Variants in NPEPL1 observed in about 807,000 individuals in gnomAD.
NPEPL1 encodes the protein probable aminopeptidase NPEPL1.
A neutral mutation model predicts 52.4 loss-of-function variants in NPEPL1; 45 were observed. That is an observed-to-expected ratio of 0.86 (90% CI 0.68 to 1.10). The LOEUF (loss-of-function observed/expected upper bound fraction) is 1.10, where lower values mean the gene tolerates loss of function less well. Among genes scored for constraint, NPEPL1 ranks in the 50% least tolerant of loss-of-function variants. NPEPL1 has a pLI of 0.00. For missense variants in NPEPL1, 696 were observed against 710.9 expected (o/e 0.98, Z 0.24); for synonymous variants, 360 against 314.7 (o/e 1.14, Z -1.52).
At chr20:58,695,023 G>GTGCTGTGTGTA in intron 3 of NPEPL1, among the ~76,000 whole-genome samples, 1 of 1,880 alleles carries the variant, frequency 5.3e-4, no homozygotes, top group Non-Finnish European at 1.1e-3. Context: ...ATGTGTGTGT[G>GTGCTGTGTGTA]TGTGTGGTAT....
At chr20:58,708,371 G>A (rs899280811) in intron 7 of NPEPL1, among the ~76,000 whole-genome samples, 5 of 152,210 alleles carry the variant, frequency 3.3e-5, no homozygotes, top group African/African-American at 4.8e-5. Flanking sequence ...GTGGGGACAC[G>A]GAGGTGCGGG....
At chr20:58,711,106 C>CCT (rs1491536966) in intron 7 of NPEPL1, 9 of 98,334 alleles carry the variant, frequency 9.2e-5, no homozygotes, top group Admixed American at 4.3e-4. Flanking sequence ...TCCTCCTCCT[C>CCT]CCCCCCTCCT....
At chr20:58,704,376 AC>A (rs1220326355) in intron 6 of NPEPL1, 1 of 985,092 alleles carries the variant, frequency 1.0e-6, no homozygotes, top group Non-Finnish European at 1.2e-6. Context: ...ATTACTGGAG[AC>A]CCCTTTACGC....
chr20:58,713,944 G>A lies in NPEPL1; in HGVS notation c.1153G>A (p.Ala385Thr), dbSNP rs1430790801. 9.3e-6 allele frequency: 14 copies of A among 1,507,108 alleles called. No homozygotes were observed. Among genetic ancestry groups the A allele is most frequent in the East Asian group, 5.1e-5 (2 of 39,058 alleles). 93.4% of individuals were successfully genotyped at this position (1,507,108 alleles called of 1,614,324 possible). A position where few individuals can be genotyped will look rare whatever the true frequency, so the allele number is the denominator to read the frequency against. ...QGIATGKYHA[A>T]VLTNSAEWEA... is the part of the protein sequence containing the mutation. ...CATTGCCACAGGGAAGTACCACGCC[G>A]CGGTGCTCACCAACAGCGCTGAGTG... Residue 385 changes from alanine (A) to threonine (T), a missense_variant, in exon 10 of 12, where the codon GCG becomes ACG. Physicochemically the swap from Ala to Thr is moderately conservative, Grantham distance 58 (BLOSUM62 0). Coordinates refer to ENST00000356091, the MANE Select transcript of NPEPL1 (RefSeq NM_024663.4). This position sits in a 1 kb window ranked among gnomAD's most constrained non-coding sequence, Gnocchi z 4.6.
Position 58,715,427 on chromosome 20 carries a change from G to T in NPEPL1, c.*101G>T. ...TTGCCCTTCATATGGGTTTTGGTTT[G>T]TCTTTCTGGTCGTCAGCGTGGTGGT... On this transcript the variant is annotated 3_prime_UTR_variant, in exon 12 of 12. Coordinates refer to ENST00000356091, the MANE Select transcript of NPEPL1 (RefSeq NM_024663.4). 1 of 1,272,496 alleles carries T rather than the reference G, an allele frequency of 7.9e-7. No homozygotes were observed. Among genetic ancestry groups the T allele is most frequent in the Non-Finnish European group, 1.0e-6 (1 of 957,912 alleles). The allele number at this position is 1,272,496 out of a possible 1,614,324, so 78.8% of individuals were successfully genotyped here.
intron 3 of NPEPL1, among the ~76,000 whole-genome samples, chr20:58,697,098 T>G (rs992400666): frequency 6.6e-6 from 1 of 152,262 alleles, no homozygotes; most frequent in Non-Finnish European, 1.5e-5. Context: ...ACTGTGAGTC[T>G]CTGCTGAGCT....
chr20:58,712,384 CCTG>C (rs1413294750), intron 7 of NPEPL1, 92 bp from the exon 8 acceptor site: 1 of 780,486 alleles, frequency 1.3e-6, no homozygotes. Context: ...CTCTCTCTCT[CCTG>C]CTGTCTGTGG....
chr20:58,713,759 A>G lies in NPEPL1; in HGVS notation c.1126-158A>G. On this transcript the variant is annotated intron_variant, in intron 9 of 11. Transcript: ENST00000356091. The surrounding 1 kb of genome is among the most constrained non-coding windows in gnomAD (Gnocchi z 4.6). ...CCGGGAACCGCCTCCTGTGTGCTTC[A>G]TGGCCATGGTCCTTTCTGCCTGTGT... is the stretch of plus-strand genomic sequence containing the variant. 9.4e-7 allele frequency: 1 copy of G among 1,058,592 alleles called. No individual in the cohort carries two copies. Among genetic ancestry groups the G allele is most frequent in the Admixed American group, 3.2e-5 (1 of 31,552 alleles). The allele number at this position is 1,058,592 out of a possible 1,614,324, so 65.6% of individuals were successfully genotyped here. A position where few individuals can be genotyped will look rare whatever the true frequency, so the allele number is the denominator to read the frequency against.
Position 58,713,187 on chromosome 20 carries a change from C to G in NPEPL1, c.1002-233C>G. The G allele has an allele frequency of 7.8e-6, 4 of 514,044 alleles. No homozygotes were observed. The South Asian group carries it at 1.2e-4, about 15-fold the overall frequency. The allele number at this position is 514,044 out of a possible 1,614,324, so 31.8% of individuals were successfully genotyped here. A position where few individuals can be genotyped will look rare whatever the true frequency, so the allele number is the denominator to read the frequency against. ...GGCATGGGAGAGCCAAATGGCTGGT[C>G]TCTGGCTCTCCAGAGCAGCGGGGCA... On this transcript the variant is annotated intron_variant, in intron 8 of 11. Coordinates refer to ENST00000356091, the MANE Select transcript of NPEPL1 (RefSeq NM_024663.4). The surrounding 1 kb of genome is among the most constrained non-coding windows in gnomAD (Gnocchi z 4.6).
At position 58,711,824 on chromosome 20, in the gene NPEPL1, G is replaced by A. The variant is rs545731383; in HGVS notation, c.901-655G>A. Among the ~76,000 whole-genome samples, 24 of 152,346 alleles carry A rather than the reference G, an allele frequency of 1.6e-4. No individual in the cohort carries two copies. In the South Asian group the frequency reaches 4.4e-3, roughly 28 times the overall value. ...TATAGAGCTGTGTGTCCGCGCTCTC[G>A]AGGCATGCTCCATGCTAGGAGGATG... is the stretch of plus-strand genomic sequence containing the variant. On this transcript the variant is annotated intron_variant, in intron 7 of 11. Coordinates refer to ENST00000356091, the MANE Select transcript of NPEPL1 (RefSeq NM_024663.4).
chr20:58,715,101 G>A lies in NPEPL1; in HGVS notation c.1414-67G>A, dbSNP rs1000939249. 6.0e-6 allele frequency: 9 copies of A among 1,511,750 alleles called. No homozygotes were observed. In the African/African-American group the frequency reaches 9.8e-5, roughly 16 times the overall value. 93.6% of individuals were successfully genotyped at this position (1,511,750 alleles called of 1,614,324 possible). ...GTGGAGGGGACCCAGGAGGTGAGGGGTCCCCAGGAACCCCTCCTGTGCTGC... is the reference window on the plus strand; with the variant it reads ...GTGGAGGGGACCCAGGAGGTGAGGGATCCCCAGGAACCCCTCCTGTGCTGC... On this transcript the variant is annotated intron_variant, in intron 11 of 11. Coordinates refer to ENST00000356091, the MANE Select transcript of NPEPL1 (RefSeq NM_024663.4).
intron 5 of NPEPL1, among the ~76,000 whole-genome samples, chr20:58,699,672 T>A (rs181184511): frequency 3.9e-5 from 6 of 152,134 alleles, no homozygotes; most frequent in African/African-American, 1.4e-4. Context: ...TGGAATACTT[T>A]CCCCCAAGAT....
chr20:58,693,538 G>T, intron 1 of NPEPL1, 199 bp from the exon 2 acceptor site: 1 of 513,742 alleles, frequency 1.9e-6, no homozygotes, highest in African/African-American at 2.0e-5. Flanking sequence ...CCCACCAGGG[G>T]GATGCGAGCC....
At position 58,712,563 on chromosome 20, in the gene NPEPL1, C is replaced by G; in HGVS notation, c.985C>G (p.Leu329Val). The stretch of plus-strand genomic sequence containing the variant: ...TGCGACAAGGCCAGATGACATCCAC[C>G]TGCTGTACTCAGGGAAGTACGTCTG... ...PNATRPDDIH[L>V]LYSGKTVEIN... is the part of the protein sequence containing the mutation. The change falls in exon 8 of 12, where the codon CTG becomes GTG. Residue 329 changes from leucine to valine, a missense_variant. Transcript: ENST00000356091. The G allele has an allele frequency of 6.2e-7, 1 of 1,612,472 alleles. No homozygotes were observed. The highest frequency in any genetic ancestry group is 2.2e-5 in the East Asian group (1 of 44,858).
At position 58,699,424 on chromosome 20, in the gene NPEPL1, C is replaced by A. The variant is rs901466679; in HGVS notation, c.679+146C>A. ...GAAAGGAATCAGCCTGTGTCCAAGC[C>A]CAGTGCCGGACCCTGGGAAGCAGCC... On this transcript the variant is annotated intron_variant, in intron 5 of 11. Coordinates refer to ENST00000356091, the MANE Select transcript of NPEPL1 (RefSeq NM_024663.4). 39 of 663,000 alleles carry A rather than the reference C, an allele frequency of 5.9e-5. No individual in the cohort carries two copies. In the South Asian group the frequency reaches 7.0e-4, roughly 12 times the overall value. The allele number at this position is 663,000 out of a possible 1,614,324, so 41.1% of individuals were successfully genotyped here.
rs377727733 is a variant in NPEPL1, at chr20:58,714,037, G to A, written c.1246G>A (p.Glu416Lys). 33 of 1,540,040 alleles carry A rather than the reference G, an allele frequency of 2.1e-5. No homozygotes were observed. The highest frequency in any genetic ancestry group is 2.8e-5 in the African/African-American group (2 of 72,268). The change falls in exon 10 of 12, where the codon GAG (glutamate) becomes AAG (lysine). Residue 416 changes from glutamate to lysine, a missense_variant. By Grantham distance (56) the Glu-to-Lys change is moderately conservative (BLOSUM62 1). Transcript: ENST00000356091. ...DLVHPLVYCP[E>K]LHFSEFTSAV... ...GGTGCACCCGCTGGTCTACTGCCCCGAGCTGCACTTCAGCGAGTTCACCTC... is the reference window on the plus strand; with the variant it reads ...GGTGCACCCGCTGGTCTACTGCCCCAAGCTGCACTTCAGCGAGTTCACCTC...
intron 7 of NPEPL1, among the ~76,000 whole-genome samples, chr20:58,709,548 T>A (rs574747585): frequency 6.6e-6 from 1 of 152,202 alleles, no homozygotes; most frequent in South Asian, 2.1e-4. Flanking sequence ...GAGAGTGGGA[T>A]GGGAAGAGGA....
intron 1 of NPEPL1, 95 bp downstream of exon 1, chr20:58,693,145 G>GCCT: frequency 1.2e-6 from 1 of 860,616 alleles, no homozygotes; most frequent in Non-Finnish European, 1.4e-6. Context: ...CACCCCCGCC[G>GCCT]CCGCCGGGCC....
In NPEPL1 at chr20:58,712,424, C is replaced by T; in HGVS notation, c.901-55C>T. 3.3e-6 allele frequency: 4 copies of T among 1,214,304 alleles called. No homozygotes were observed. The Admixed American group carries it at 5.1e-5, about 16-fold the overall frequency. 75.2% of individuals were successfully genotyped at this position (1,214,304 alleles called of 1,614,324 possible). ...TCTGAGAACCCCCAGCTCGTCCTCC[C>T]CCCTCCCCAAACCTATGACCTACAA... On this transcript the variant is annotated intron_variant, in intron 7 of 11. Transcript: ENST00000356091.
Sources: gnomAD v4.1 joint callset for allele counts (sites outside exome capture counted in the v4.1 genomes callset) on GRCh38, gnomAD v4.1.1 for gene constraint, Gnocchi (gnomAD v3.1) non-coding constraint, MANE v1.5 for transcripts, NCBI Gene and HGNC (gene_info 2026-07-23, HGNC 2026-07-21) for gene names.